The following ENTPD4 variants were observed in gnomAD, a reference collection of about 807,000 sequenced individuals.
ENTPD4 encodes the protein ectonucleoside triphosphate diphosphohydrolase 4, also known as Golgi UDPase.
In ENTPD4, 60 loss-of-function variants were observed where a neutral mutation model predicts 79.1. The ratio of observed to expected loss-of-function variants is 0.76; its 90% confidence interval spans 0.62 to 0.94. The LOEUF is 0.94. Ranked by LOEUF, ENTPD4 falls within the 40% of genes least tolerant of loss-of-function variation. The probability of loss-of-function intolerance (pLI) is 0.00; values close to 1 mark genes in which losing one functional copy is unlikely to be tolerated. For synonymous variants in ENTPD4, 276 were observed against 292.0 expected (o/e 0.95, Z 0.56); for missense variants, 772 against 775.1 (o/e 1.00, Z 0.05).
Position 23,450,010 on chromosome 8 carries a change from G to A in ENTPD4, c.-97-13C>T, listed in dbSNP as rs1266632715. On this transcript the variant is annotated splice_polypyrimidine_tract_variant and intron_variant, in intron 1 of 12. Transcript: ENST00000358689. ...AGTTAGAGCCCTCCTGTTCCAGGAA[G>A]TGAGACAAATCACAAAGATAGCATC... 6 of 1,376,524 alleles carry A rather than the reference G, an allele frequency of 4.4e-6. No individual in the cohort carries two copies. In the African/African-American group the frequency reaches 8.6e-5, roughly 20 times the overall value. The allele number at this position is 1,376,524 out of a possible 1,614,324, so 85.3% of individuals were successfully genotyped here.
chr8:23,434,120 G>C, intron 12 of ENTPD4, 197 bp downstream of exon 12: 1 of 626,800 alleles, frequency 1.6e-6, no homozygotes, highest in Admixed American at 2.9e-5. Flanking sequence ...TGTGTATTAC[G>C]GGATGGTAGG....
intron 2 of ENTPD4, 136 bp downstream of exon 2, chr8:23,449,756 TG>T (rs936013035): frequency 1.5e-5 from 11 of 751,344 alleles, no homozygotes; most frequent in Admixed American, 4.0e-5. Flanking sequence ...CACTGGGCCC[TG>T]GAAGAAAAAA....
chr8:23,450,465 C>A (rs1274950605), intron 1 of ENTPD4, among the ~76,000 whole-genome samples: 2 of 152,236 alleles, frequency 1.3e-5, no homozygotes, highest in Non-Finnish European at 2.9e-5. Flanking sequence ...CCTCCTCCAG[C>A]CTCCAGGCCT....
intron 1 of ENTPD4, among the ~76,000 whole-genome samples, chr8:23,455,311 C>G (rs1400531035): frequency 6.6e-6 from 1 of 152,188 alleles, no homozygotes; most frequent in African/African-American, 2.4e-5. Flanking sequence ...AAAGGTACCA[C>G]AGGGAAGGGT....
In ENTPD4 at chr8:23,437,022, T is replaced by C. The variant is rs775070986; in HGVS notation, c.1286A>G (p.Tyr429Cys). 29 of 1,613,988 alleles carry C rather than the reference T, an allele frequency of 1.8e-5. No individual in the cohort carries two copies. In the Admixed American group the frequency reaches 1.8e-4, roughly 10 times the overall value. ...GCAGTAGTAGAATTCGGAGAAGCCA[T>C]AGAATTCACTGTTCTGGAAGTGAAT... ...PPIHFQNSEFYGFSEFYYCTE... is the reference protein window; with the variant it reads ...PPIHFQNSEFCGFSEFYYCTE... The change falls in exon 10 of 13, where the codon TAT becomes TGT. Residue 429 changes from tyrosine to cysteine, a missense_variant. Tyr to Cys is a radical substitution (Grantham distance 194). Transcript: ENST00000358689.
In ENTPD4 at chr8:23,439,835, A is replaced by G. The variant is rs34632200; in HGVS notation, c.963T>C (p.Tyr321=). 1.9e-4 allele frequency: 301 copies of G among 1,614,162 alleles called. 1 individual carries two copies. The African/African-American group carries it at 3.1e-3, about 17-fold the overall frequency. The stretch of plus-strand genomic sequence containing the variant: ...CACCAAACCCAAGAAACGTGGCCAC[A>G]TAGACTCGATACACATGCTCAGTTT... ...VHQTEHVYRV[Y]VATFLGFGGN... is the part of the protein sequence containing the mutation. Residue 321 remains tyrosine (Y), a synonymous_variant, in exon 9 of 13, where the codon TAT becomes TAC. Transcript: ENST00000358689.
chr8:23,432,809 T>C lies in ENTPD4; in HGVS notation c.*117A>G, dbSNP rs933748231. 2.8e-5 allele frequency: 41 copies of C among 1,444,734 alleles called. No individual in the cohort carries two copies. The highest frequency in any genetic ancestry group is 5.6e-5 in the Admixed American group (2 of 35,524). 89.5% of individuals were successfully genotyped at this position (1,444,734 alleles called of 1,614,324 possible). ...CACCGCGCTCGGCCTGCATTTTGTT[T>C]TTGTTTGGAGGAACAAAAAAGGGAA... On this transcript the variant is annotated 3_prime_UTR_variant, in exon 13 of 13. Coordinates refer to ENST00000358689, the MANE Select transcript of ENTPD4 (RefSeq NM_004901.5).
rs986223264 is a variant in ENTPD4 at position 23,431,842 on chromosome 8, C to T, written c.*1084G>A. The T allele has an allele frequency of 3.0e-6, 3 of 985,266 alleles. No homozygotes were observed. The highest frequency in any genetic ancestry group is 3.5e-5 in the African/African-American group (2 of 57,210). 61.0% of individuals were successfully genotyped at this position (985,266 alleles called of 1,614,324 possible). ...CTAGGAATTTCCAATTCTTTCAAAA[C>T]CACAGTGTTCTAATGCCACTGAAAT... On this transcript the variant is annotated 3_prime_UTR_variant, in exon 13 of 13. Transcript: ENST00000358689.
At chr8:23,441,048 C>T (rs751797804) in intron 8 of ENTPD4, among the ~76,000 whole-genome samples, 3 of 152,182 alleles carry the variant, frequency 2.0e-5, no homozygotes, top group African/African-American at 4.8e-5. Flanking sequence ...ATCTGGAAAC[C>T]GTGCCGGGGT....
intron 8 of ENTPD4, among the ~76,000 whole-genome samples, chr8:23,440,297 G>A (rs1477103200): frequency 2.0e-5 from 3 of 152,254 alleles, no homozygotes; most frequent in Admixed American, 2.0e-4. Flanking sequence ...ATAATAGCAA[G>A]GGAAGGTTAG....
Position 23,449,045 on chromosome 8 carries a change from C to T in ENTPD4, c.9-106G>A, listed in dbSNP as rs141804754. ...ATTTGGCTTGAGCTACCTGGATTTCCCTAACTGTAGGTATCTGTATACTGG... is the reference window on the plus strand; with the variant it reads ...ATTTGGCTTGAGCTACCTGGATTTCTCTAACTGTAGGTATCTGTATACTGG... On this transcript the variant is annotated intron_variant, in intron 2 of 12. Coordinates refer to ENST00000358689, the MANE Select transcript of ENTPD4 (RefSeq NM_004901.5). 8.9e-5 allele frequency: 77 copies of T among 865,610 alleles called. No individual in the cohort carries two copies. In the African/African-American group the frequency reaches 1.1e-3, roughly 13 times the overall value. 53.6% of individuals were successfully genotyped at this position (865,610 alleles called of 1,614,324 possible).
intron 9 of ENTPD4, among the ~76,000 whole-genome samples, 198 bp from the exon 10 acceptor site, chr8:23,437,456 A>G (rs768732206): frequency 6.6e-6 from 1 of 152,222 alleles, no homozygotes; most frequent in African/African-American, 2.4e-5. Flanking sequence ...GTCAGGATAC[A>G]AACTTGCCTG....
chr8:23,440,237 G>C (rs1253636667), intron 8 of ENTPD4, among the ~76,000 whole-genome samples: 1 of 152,180 alleles, frequency 6.6e-6, no homozygotes, highest in East Asian at 1.9e-4. Flanking sequence ...TATATGCAAA[G>C]ATGTCCTTTG....
chr8:23,453,549 T>C (rs184672783), intron 1 of ENTPD4, among the ~76,000 whole-genome samples: 3 of 152,288 alleles, frequency 2.0e-5, no homozygotes, highest in Admixed American at 6.5e-5. Flanking sequence ...ATAAATCTCA[T>C]TGAAATGGCT....
Position 23,432,747 on chromosome 8 carries a change from C to T in ENTPD4, c.*179G>A. The T allele has an allele frequency of 7.4e-7, 1 of 1,353,280 alleles. No individual in the cohort carries two copies. The highest frequency in any genetic ancestry group is 2.6e-5 in the East Asian group (1 of 38,270). The allele number at this position is 1,353,280 out of a possible 1,614,324, so 83.8% of individuals were successfully genotyped here. A position where few individuals can be genotyped will look rare whatever the true frequency, so the allele number is the denominator to read the frequency against. On this transcript the variant is annotated 3_prime_UTR_variant, in exon 13 of 13. Transcript: ENST00000358689. ...TCTCCTGACCTCATGATCCGCCCGCCTCGGCCTCCCAAAGTGCTGGGATTA... is the reference window on the plus strand; with the variant it reads ...TCTCCTGACCTCATGATCCGCCCGCTTCGGCCTCCCAAAGTGCTGGGATTA...
At chr8:23,445,664 T>C (rs758903083) in intron 4 of ENTPD4, among the ~76,000 whole-genome samples, 2 of 152,234 alleles carry the variant, frequency 1.3e-5, no homozygotes, top group Non-Finnish European at 2.9e-5. Flanking sequence ...TTAAATTCCA[T>C]GCTTACTTCC....
intron 1 of ENTPD4, among the ~76,000 whole-genome samples, chr8:23,452,073 C>T (rs989042298): frequency 6.6e-6 from 1 of 152,186 alleles, no homozygotes; most frequent in African/African-American, 2.4e-5. Context: ...GGCTAAGTAA[C>T]TTGTCTAAGG....
At chr8:23,434,702 T>C (rs1023519271) in intron 11 of ENTPD4, 5 of 1,381,690 alleles carry the variant, frequency 3.6e-6, no homozygotes, top group Non-Finnish European at 4.7e-6. Context: ...AATCAGTGCA[T>C]GAACCCGGTC....
In ENTPD4 at chr8:23,431,960, G is replaced by A. The variant is rs1306319176; in HGVS notation, c.*966C>T. 2.0e-6 allele frequency: 2 copies of A among 985,288 alleles called. No individual in the cohort carries two copies. Among genetic ancestry groups the A allele is most frequent in the Non-Finnish European group, 2.4e-6 (2 of 829,930 alleles). 61.0% of individuals were successfully genotyped at this position (985,288 alleles called of 1,614,324 possible). ...AATGTACCAGTAAATTCTGAAGTGT[G>A]TGTTTTTAAAGAACCAGCATTGCCT... On this transcript the variant is annotated 3_prime_UTR_variant, in exon 13 of 13. Coordinates refer to ENST00000358689, the MANE Select transcript of ENTPD4 (RefSeq NM_004901.5).
Sources: gnomAD v4.1 joint callset for allele counts (sites outside exome capture counted in the v4.1 genomes callset) on GRCh38, gnomAD v4.1.1 for gene constraint, MANE v1.5 for transcripts, NCBI Gene and HGNC (gene_info 2026-07-23, HGNC 2026-07-21) for gene names.